CR1: variants seen among roughly 807,000 people sequenced by gnomAD.
CR1 encodes the protein complement C3b/C4b receptor 1 (Knops blood group), also known as complement receptor type 1.
CR1 carries 116 observed loss-of-function variants against 187.3 expected under a neutral mutation model. That is an observed-to-expected ratio of 0.62 (90% CI 0.53 to 0.72). The LOEUF is 0.72. Among genes scored for constraint, CR1 ranks in the 30% least tolerant of loss-of-function variants. The probability of loss-of-function intolerance (pLI) is 0.00; values close to 1 mark genes in which losing one functional copy is unlikely to be tolerated. For synonymous variants in CR1, 576 were observed against 747.1 expected (o/e 0.77, Z 3.73); for missense variants, 1,731 against 2,110.7 (o/e 0.82, Z 3.52).
chr1:207,575,632 C>T lies in CR1; in HGVS notation c.4489C>T (p.Leu1497Phe). The T allele has an allele frequency of 6.2e-7, 1 of 1,611,826 alleles. No homozygotes were observed. The highest frequency in any genetic ancestry group is 8.5e-7 in the Non-Finnish European group (1 of 1,179,706). ...LIGHSSAECI[L>F]SGNTAHWSTK... ...TGGTCACTCATCTGCTGAATGTATC[C>T]TCTCAGGCAATACTGCCCATTGGAG... The change falls in exon 28 of 47, where the codon CTC becomes TTC. Residue 1497 changes from leucine to phenylalanine, a missense_variant. Transcript: ENST00000367049.
chr1:207,513,159 C>G (rs917816923), intron 4 of CR1, among the ~76,000 whole-genome samples: 2 of 152,226 alleles, frequency 1.3e-5, no homozygotes, highest in Non-Finnish European at 2.9e-5. Flanking sequence ...TATCCGTCTA[C>G]TTTGGTTTTA....
intron 33 of CR1, among the ~76,000 whole-genome samples, chr1:207,586,504 C>T (rs577255926): frequency 6.6e-6 from 1 of 152,170 alleles, no homozygotes; most frequent in African/African-American, 2.4e-5. Flanking sequence ...TTTCCTAGGG[C>T]TGCTGTAACA....
At position 207,633,917 on chromosome 1, in the gene CR1, C is replaced by A. The variant is rs141596511; in HGVS notation, c.7457+3296C>A. On this transcript the variant is annotated intron_variant, in intron 46 of 46. Transcript: ENST00000367049. ...GCAGGTAAAGGAAAATTACAGTCAA[C>A]GGGGCTTTGTTCTCTGGCGGGCAGA... Among the ~76,000 whole-genome samples, 1,188 of 152,122 alleles carry A rather than the reference C, an allele frequency of 7.8e-3. 19 individuals carry two copies. The highest frequency in any genetic ancestry group is 0.027 in the African/African-American group (1,126 of 41,494).
chr1:207,608,695 A>T (rs990636136), intron 36 of CR1, among the ~76,000 whole-genome samples: 1 of 152,180 alleles, frequency 6.6e-6, no homozygotes, highest in Non-Finnish European at 1.5e-5. Flanking sequence ...TATCTTTTAT[A>T]AAAAAATTTC....
intron 24 of CR1, 73 bp from the exon 25 acceptor site, chr1:207,567,751 T>C (rs1349082765): frequency 8.2e-6 from 13 of 1,586,462 alleles, no homozygotes; most frequent in East Asian, 2.2e-5. Context: ...ACACCAATCA[T>C]AGCACCCTGT....
Position 207,640,238 on chromosome 1 carries a change from C to G in CR1, c.*829C>G, listed in dbSNP as rs1662941908. 1 of 152,224 alleles carries G rather than the reference C, an allele frequency of 6.6e-6. No individual in the cohort carries two copies. The highest frequency in any genetic ancestry group is 1.5e-5 in the Non-Finnish European group (1 of 68,076). 9.4% of individuals were successfully genotyped at this position (152,224 alleles called of 1,614,324 possible). A position where few individuals can be genotyped will look rare whatever the true frequency, so the allele number is the denominator to read the frequency against. The stretch of plus-strand genomic sequence containing the variant: ...GGTTGACACCATTTTCCTGCCTCAG[C>G]CTCCTGAGTAGTTGGGATTACCAGT... On this transcript the variant is annotated 3_prime_UTR_variant, in exon 47 of 47. Coordinates refer to ENST00000367049, the MANE Select transcript of CR1 (RefSeq NM_000651.6).
chr1:207,522,793 A>G (rs1265440943), intron 4 of CR1, among the ~76,000 whole-genome samples: 2 of 152,198 alleles, frequency 1.3e-5, no homozygotes, highest in Non-Finnish European at 2.9e-5. Context: ...AATTTATCCA[A>G]TTAAATTCAC....
At chr1:207,634,085 C>T (rs1429244565) in intron 46 of CR1, among the ~76,000 whole-genome samples, 7 of 152,172 alleles carry the variant, frequency 4.6e-5, no homozygotes, top group Non-Finnish European at 7.4e-5. Flanking sequence ...TCAGTAAAGG[C>T]GGGGCAGGGC....
intron 45 of CR1, among the ~76,000 whole-genome samples, chr1:207,628,784 T>G (rs1159621698): frequency 6.6e-6 from 1 of 152,234 alleles, no homozygotes. Context: ...TATATTTTAC[T>G]GAGTTTGTTT....
At chr1:207,516,300 G>T (rs1169724736) in intron 4 of CR1, among the ~76,000 whole-genome samples, 1 of 152,168 alleles carries the variant, frequency 6.6e-6, no homozygotes, top group African/African-American at 2.4e-5. Context: ...ATGACCATAA[G>T]TCAGGTGACC....
At chr1:207,618,452 G>A (rs1467596388) in intron 42 of CR1, among the ~76,000 whole-genome samples, 3 of 152,164 alleles carry the variant, frequency 2.0e-5, no homozygotes, top group African/African-American at 7.2e-5. Flanking sequence ...TCTCCATCCA[G>A]AGCATTAACA....
chr1:207,584,200 G>A (rs541136884), intron 32 of CR1, among the ~76,000 whole-genome samples: 1 of 152,008 alleles, frequency 6.6e-6, no homozygotes, highest in South Asian at 2.1e-4. Flanking sequence ...AATAATAAAT[G>A]TATAATATAT....
intron 31 of CR1, among the ~76,000 whole-genome samples, chr1:207,580,978 C>T (rs143319510): frequency 1.3e-5 from 2 of 152,130 alleles, no homozygotes; most frequent in South Asian, 2.1e-4. Context: ...AAGCAAAAAG[C>T]TCAACTCATT....
chr1:207,614,440 C>T lies in CR1; in HGVS notation c.6612C>T (p.Val2204=), dbSNP rs1437396744. Reference sequence around the variant, plus strand: ...AAGGCAGGTCTGCTAGTCATTGTGTCTTGGCTGGAATGAAAGCCCTTTGGA... The same window carrying T: ...AAGGCAGGTCTGCTAGTCATTGTGTTTTGGCTGGAATGAAAGCCCTTTGGA... ...RLKGRSASHC[V]LAGMKALWNS... is the part of the protein sequence containing the mutation. Residue 2204 remains valine (V), a synonymous_variant, in exon 40 of 47, where the codon GTC becomes GTT. Coordinates refer to ENST00000367049, the MANE Select transcript of CR1 (RefSeq NM_000651.6). 6.2e-7 allele frequency: 1 copy of T among 1,611,682 alleles called. No homozygotes were observed. The highest frequency in any genetic ancestry group is 1.1e-5 in the South Asian group (1 of 91,050).
intron 42 of CR1, among the ~76,000 whole-genome samples, chr1:207,619,394 A>G (rs1662248043): frequency 7.0e-6 from 1 of 143,170 alleles, no homozygotes; most frequent in South Asian, 2.2e-4. Flanking sequence ...AAAAAAAAAA[A>G]GAAAAAGAAA....
chr1:207,526,077 G>C (rs1200151846), intron 5 of CR1, among the ~76,000 whole-genome samples: 1 of 152,062 alleles, frequency 6.6e-6, no homozygotes, highest in African/African-American at 2.4e-5. Flanking sequence ...ACAATATGTT[G>C]CGTAAATATA....
intron 19 of CR1, among the ~76,000 whole-genome samples, chr1:207,553,850 A>AACACATGTGCTCTTATCAC (rs1443375993): frequency 6.8e-6 from 1 of 147,496 alleles, no homozygotes; most frequent in Non-Finnish European, 1.5e-5. Context: ...TCTTCCAGTG[A>AACACATGTGCTCTTATCAC]ACACATGTAT....
intron 32 of CR1, among the ~76,000 whole-genome samples, chr1:207,582,847 G>A (rs188841082): frequency 1.2e-3 from 182 of 152,340 alleles, no homozygotes; most frequent in Non-Finnish European, 2.2e-3. Context: ...GCAACCGCCA[G>A]GGTAGAATTT....
At position 207,503,427 on chromosome 1, in the gene CR1, G is replaced by A. The variant is rs894433963; in HGVS notation, c.122-2477G>A. The stretch of plus-strand genomic sequence containing the variant: ...TTCTCTTCCAGTTCTGGAGGCTGAC[G>A]TCTAAAATAGATCCATAGGGCTGTG... On this transcript the variant is annotated intron_variant, in intron 1 of 46. Transcript: ENST00000367049. Among the ~76,000 whole-genome samples the A allele has an allele frequency of 6.6e-5, 10 of 152,142 alleles. No individual in the cohort carries two copies. In the East Asian group the frequency reaches 7.7e-4, roughly 12 times the overall value.
Sources: allele counts gnomAD v4.1 joint callset (sites outside exome capture counted in the v4.1 genomes callset), GRCh38; gene constraint gnomAD v4.1.1; transcripts MANE v1.5; gene names NCBI Gene and HGNC (gene_info 2026-07-23, HGNC 2026-07-21).